CBLN2: variants seen among roughly 807,000 people sequenced by gnomAD.
The protein encoded by CBLN2 is cerebellin-2.
A neutral mutation model predicts 15.0 loss-of-function variants in CBLN2; 7 were observed. The observed-to-expected ratio is 0.47, with a 90% CI of 0.27 to 0.88. CBLN2 has a LOEUF of 0.88. Among genes scored for constraint, CBLN2 ranks in the 40% least tolerant of loss-of-function variants. The pLI is 0.14. For synonymous variants in CBLN2, 149 were observed against 135.2 expected, an observed-to-expected ratio of 1.10 and a Z score of -0.71; for missense variants, 242 against 304.5, an observed-to-expected ratio of 0.79 and a Z score of 1.53.
At chr18:72,542,561 G>C (rs1296570215) in intron 2 of CBLN2, among the ~76,000 whole-genome samples, 1 of 152,098 alleles carries the variant, frequency 6.6e-6, no homozygotes, top group Non-Finnish European at 1.5e-5. Flanking sequence ...CGACGAGGGA[G>C]GGGGCCGCGC....
chr18:72,638,360 A>C, exon 1 of CBLN2: 1 of 398,582 alleles, frequency 2.5e-6, no homozygotes. Flanking sequence ...ACAGAAAATG[A>C]AAATATGTCC....
At chr18:72,541,320 A>G (rs971388347) in intron 3 of CBLN2, among the ~76,000 whole-genome samples, 3 of 151,422 alleles carry the variant, frequency 2.0e-5, no homozygotes, top group South Asian at 2.1e-4. Context: ...CCCTTCCCCA[A>G]TCCATTCCTC....
chr18:72,565,356 A>G lies in CBLN2; in HGVS notation c.16-26584T>C, dbSNP rs2069287823. On this transcript the variant is annotated intron_variant, in intron 1 of 2. Transcript: ENST00000581073. ...TTACAATATGTAATACCACCATTAT[A>G]GTATTTCTAGTATAAATATTTCTAG... 3.9e-5 allele frequency among the ~76,000 whole-genome samples: 6 copies of G among 152,118 alleles called. No homozygotes were observed. In the South Asian group the frequency reaches 1.2e-3, roughly 31 times the overall value.
intron 1 of CBLN2, among the ~76,000 whole-genome samples, chr18:72,598,922 G>A (rs1192887161): frequency 6.6e-6 from 1 of 152,134 alleles, no homozygotes; most frequent in African/African-American, 2.4e-5. Flanking sequence ...GGTCACTTTC[G>A]GGGAATGAGA....
At chr18:72,602,630 C>T (rs1021817495) in intron 1 of CBLN2, among the ~76,000 whole-genome samples, 1 of 152,166 alleles carries the variant, frequency 6.6e-6, no homozygotes, top group Non-Finnish European at 1.5e-5. Flanking sequence ...TTGAAGCCCA[C>T]GTTCAGTTTA....
rs185428479 is a variant in CBLN2, at chr18:72,549,851, A to T, written c.16-11079T>A. On this transcript the variant is annotated intron_variant, in intron 1 of 2. Coordinates refer to the CBLN2 transcript ENST00000581073. ...ATTGTCATGGATGGAGTTTCAGTTCATCTGCACATTACTGGGCAAATGCTT... is the reference window on the plus strand; with the variant it reads ...ATTGTCATGGATGGAGTTTCAGTTCTTCTGCACATTACTGGGCAAATGCTT... Among the ~76,000 whole-genome samples the T allele has an allele frequency of 2.6e-5, 4 of 152,274 alleles. No homozygotes were observed. The East Asian group carries it at 5.8e-4, about 22-fold the overall frequency.
intron 1 of CBLN2, among the ~76,000 whole-genome samples, chr18:72,624,207 T>A (rs970740762): frequency 6.6e-6 from 1 of 152,070 alleles, no homozygotes; most frequent in Non-Finnish European, 1.5e-5. Context: ...CTTCTTTTTT[T>A]TTTTTTAATT....
chr18:72,570,045 A>G (rs1244049392), intron 1 of CBLN2, among the ~76,000 whole-genome samples: 1 of 152,214 alleles, frequency 6.6e-6, no homozygotes, highest in Non-Finnish European at 1.5e-5. Flanking sequence ...GCGAGTGTAT[A>G]CATACAATTG....
chr18:72,613,486 A>G (rs997850886), intron 1 of CBLN2, among the ~76,000 whole-genome samples: 3 of 125,040 alleles, frequency 2.4e-5, no homozygotes, highest in Non-Finnish European at 5.8e-5. Flanking sequence ...TTTTTCTTAC[A>G]CACTTTAGTT....
intron 1 of CBLN2, chr18:72,618,856 G>A: frequency 4.1e-6 from 3 of 730,852 alleles, no homozygotes; most frequent in South Asian, 2.7e-5. Flanking sequence ...AGATTGAAGT[G>A]GTTCTGGAAG....
intron 1 of CBLN2, among the ~76,000 whole-genome samples, chr18:72,625,816 CTCTATATA>C (rs1437564033): frequency 0.067 from 4,133 of 61,586 alleles, 141 homozygotes; most frequent in East Asian, 0.23. Context: ...CTCTCTCTCT[CTCTATATA>C]TATATATATA....
At chr18:72,587,546 C>T (rs7233657) in intron 1 of CBLN2, among the ~76,000 whole-genome samples, 1 of 151,958 alleles carries the variant, frequency 6.6e-6, no homozygotes, top group Admixed American at 6.5e-5. Flanking sequence ...AGATTTTTCT[C>T]TCTCCTTTAT....
At chr18:72,603,652 C>A (rs934745092) in intron 1 of CBLN2, among the ~76,000 whole-genome samples, 1 of 152,176 alleles carries the variant, frequency 6.6e-6, no homozygotes, top group Non-Finnish European at 1.5e-5. Flanking sequence ...AACTTCCTTT[C>A]ATTCGTCATC....
chr18:72,541,713 C>A lies in CBLN2; in HGVS notation c.357+91G>T. 2.9e-6 allele frequency: 3 copies of A among 1,020,018 alleles called. No homozygotes were observed. The South Asian group carries it at 5.2e-5, about 18-fold the overall frequency. 63.2% of individuals were successfully genotyped at this position (1,020,018 alleles called of 1,614,324 possible). On this transcript the variant is annotated intron_variant, in intron 3 of 4. Transcript: ENST00000269503. ...GGGGGAGGACAGAGCCTGGGAACTC[C>A]ACGTCCAAGAAGCCTGAACCCCAGC...
Position 72,630,382 on chromosome 18 carries a change from G to A in CBLN2, c.15+7943C>T, listed in dbSNP as rs5023430. Among the ~76,000 whole-genome samples, 348 of 152,032 alleles carry A rather than the reference G, an allele frequency of 2.3e-3. 3 individuals carry two copies. Among genetic ancestry groups the A allele is most frequent in the African/African-American group, 7.9e-3 (326 of 41,464 alleles). Reference sequence around the variant, plus strand: ...TTGTCTATCTCTTTCATTACACAGCGGACTTCCTAAAGTTAGGGATTTGTT... The same window carrying A: ...TTGTCTATCTCTTTCATTACACAGCAGACTTCCTAAAGTTAGGGATTTGTT... On this transcript the variant is annotated intron_variant, in intron 1 of 2. Coordinates refer to the CBLN2 transcript ENST00000581073.
At chr18:72,611,645 C>T (rs1349624421) in intron 1 of CBLN2, among the ~76,000 whole-genome samples, 1 of 152,036 alleles carries the variant, frequency 6.6e-6, no homozygotes, top group African/African-American at 2.4e-5. Context: ...GATATTAGAC[C>T]TTTGTTGGAT....
At chr18:72,579,751 A>G (rs2069391012) in intron 1 of CBLN2, among the ~76,000 whole-genome samples, 2 of 152,096 alleles carry the variant, frequency 1.3e-5, no homozygotes, top group African/African-American at 4.8e-5. Context: ...AAAAAACAAA[A>G]AACAAAAACA....
chr18:72,559,856 G>A (rs371462553), intron 1 of CBLN2, among the ~76,000 whole-genome samples: 41 of 152,318 alleles, frequency 2.7e-4, no homozygotes, highest in African/African-American at 8.2e-4. Flanking sequence ...GAAGTGCAAT[G>A]AAAAGTAGCA....
intron 3 of CBLN2, 35 bp from the exon 4 acceptor site, chr18:72,538,807 A>C (rs2069087921): frequency 1.2e-6 from 2 of 1,608,742 alleles, no homozygotes; most frequent in South Asian, 1.1e-5. Flanking sequence ...ACACAATGGC[A>C]AGCCCCTCCT....
Sources: allele counts gnomAD v4.1 joint callset (sites outside exome capture counted in the v4.1 genomes callset), GRCh38; gene constraint gnomAD v4.1.1; transcripts MANE v1.5; gene names NCBI Gene and HGNC (gene_info 2026-07-23, HGNC 2026-07-21).